Variants in PTPN12 observed in about 807,000 individuals in gnomAD.
The protein encoded by PTPN12 is tyrosine-protein phosphatase non-receptor type 12.
A neutral mutation model predicts 97.6 loss-of-function variants in PTPN12; 29 were observed. That is an observed-to-expected ratio of 0.30 (90% CI 0.22 to 0.41). The LOEUF is 0.41. Among genes scored for constraint, PTPN12 ranks in the 10% least tolerant of loss-of-function variants. PTPN12 has a pLI of 1.00. For missense variants in PTPN12, 819 were observed against 926.0 expected (o/e 0.88, Z 1.50); for synonymous variants, 327 against 300.4 (o/e 1.09, Z -0.91).
chr7:77,566,902 TCTTG>T (rs1808287719), intron 1 of PTPN12, among the ~76,000 whole-genome samples: 1 of 152,120 alleles, frequency 6.6e-6, no homozygotes, highest in Non-Finnish European at 1.5e-5. Context: ...AAAAATTCTT[TCTTG>T]CTTTAGGATT....
At chr7:77,540,077 A>T (rs2151292164) in intron 1 of PTPN12, among the ~76,000 whole-genome samples, 1 of 152,076 alleles carries the variant, frequency 6.6e-6, no homozygotes, top group East Asian at 1.9e-4. Flanking sequence ...TGTTATCCCT[A>T]GGCATATACC....
intron 16 of PTPN12, among the ~76,000 whole-genome samples, chr7:77,637,698 A>G (rs1789642465): frequency 6.6e-6 from 1 of 151,650 alleles, no homozygotes; most frequent in Admixed American, 6.6e-5. Context: ...CTCTACTAAA[A>G]ATAAAAAAAA....
intron 5 of PTPN12, 74 bp from the exon 6 acceptor site, chr7:77,592,111 G>C (rs1473754292): frequency 7.6e-7 from 1 of 1,309,614 alleles, no homozygotes. Context: ...CAGAACCTCA[G>C]GACACAAAAT....
At chr7:77,585,664 C>A in intron 5 of PTPN12, 83 bp downstream of exon 5, 1 of 1,237,530 alleles carries the variant, frequency 8.1e-7, no homozygotes, top group African/African-American at 1.5e-5. Flanking sequence ...TTAACATAAG[C>A]GGTTAATGTA....
chr7:77,631,708 A>C (rs1018562108), intron 13 of PTPN12, among the ~76,000 whole-genome samples: 19 of 152,342 alleles, frequency 1.2e-4, no homozygotes, highest in Non-Finnish European at 2.6e-4. Flanking sequence ...AGCATTCTCA[A>C]AGTACAGCCA....
chr7:77,602,167 C>T (rs965697814), intron 8 of PTPN12, among the ~76,000 whole-genome samples: 1 of 147,548 alleles, frequency 6.8e-6, no homozygotes, highest in Non-Finnish European at 1.5e-5. Context: ...TCTTGGGGGG[C>T]AGTTAATTTT....
Position 77,639,758 on chromosome 7 carries a change from T to C in PTPN12, c.*478T>C, listed in dbSNP as rs1478420145. 1 of 152,956 alleles carries C rather than the reference T, an allele frequency of 6.5e-6. No homozygotes were observed. The highest frequency in any genetic ancestry group is 1.5e-5 in the Non-Finnish European group (1 of 68,274). 9.5% of individuals were successfully genotyped at this position (152,956 alleles called of 1,614,324 possible). On this transcript the variant is annotated 3_prime_UTR_variant, in exon 18 of 18. Coordinates refer to ENST00000248594, the MANE Select transcript of PTPN12 (RefSeq NM_002835.4). ...CCCTGGAGTTTTAGAAAATAGTTTC[T>C]GAATTTTAAACTTGCTGGATTCATG... is the stretch of plus-strand genomic sequence containing the variant.
chr7:77,638,259 G>A (rs887591145), intron 16 of PTPN12, among the ~76,000 whole-genome samples: 1 of 151,974 alleles, frequency 6.6e-6, no homozygotes, highest in African/African-American at 2.4e-5. Context: ...CGCCTGGCCT[G>A]ACCTTGTTGA....
intron 13 of PTPN12, among the ~76,000 whole-genome samples, chr7:77,630,145 A>G (rs1182885422): frequency 6.6e-6 from 1 of 152,178 alleles, no homozygotes; most frequent in Non-Finnish European, 1.5e-5. Flanking sequence ...TTGCAGCATA[A>G]CTACAAGTAG....
intron 13 of PTPN12, 98 bp downstream of exon 13, chr7:77,627,773 C>T (rs187504815): frequency 8.2e-7 from 1 of 1,226,128 alleles, no homozygotes; most frequent in Non-Finnish European, 1.1e-6. Flanking sequence ...TTATTCCACA[C>T]TCTACCATAG....
chr7:77,594,693 G>A (rs1191018848), intron 6 of PTPN12, among the ~76,000 whole-genome samples: 2 of 152,048 alleles, frequency 1.3e-5, no homozygotes, highest in African/African-American at 2.4e-5. Flanking sequence ...TTGTAGAGAC[G>A]AGGTCTCCCT....
chr7:77,572,283 G>T (rs1383204245), intron 2 of PTPN12, among the ~76,000 whole-genome samples: 1 of 151,994 alleles, frequency 6.6e-6, no homozygotes, highest in East Asian at 1.9e-4. Context: ...TTGTATTTTA[G>T]TAGAGACAGG....
rs192671815 is a variant in PTPN12, at chr7:77,635,683, G to T, written c.2075-99G>T. On this transcript the variant is annotated intron_variant, in intron 14 of 17. Coordinates refer to ENST00000248594, the MANE Select transcript of PTPN12 (RefSeq NM_002835.4). The stretch of plus-strand genomic sequence containing the variant: ...CTACAAAATTTTTGTGGAAGCGATA[G>T]TTTCTAAAATCTTTAGGATCTGTTT... The T allele has an allele frequency of 1.0e-4, 69 of 672,566 alleles. 1 individual carries two copies. The highest frequency in any genetic ancestry group is 8.8e-4 in the African/African-American group (47 of 53,162). 41.7% of individuals were successfully genotyped at this position (672,566 alleles called of 1,614,324 possible).
chr7:77,589,630 A>T (rs983047490), intron 5 of PTPN12, among the ~76,000 whole-genome samples: 1 of 152,148 alleles, frequency 6.6e-6, no homozygotes, highest in Non-Finnish European at 1.5e-5. Context: ...AATTTATTCC[A>T]TTACTCCCAA....
intron 9 of PTPN12, among the ~76,000 whole-genome samples, chr7:77,609,479 G>A (rs554311406): frequency 2.1e-3 from 324 of 151,340 alleles, no homozygotes; most frequent in Non-Finnish European, 3.7e-3. Flanking sequence ...ACCGTGTTTC[G>A]GGCTGGTCTC....
At chr7:77,606,756 T>TC (rs1788386113) in intron 8 of PTPN12, among the ~76,000 whole-genome samples, 1 of 152,274 alleles carries the variant, frequency 6.6e-6, no homozygotes, top group African/African-American at 2.4e-5. Flanking sequence ...AGATAAATCA[T>TC]CCCATGGTCC....
intron 13 of PTPN12, among the ~76,000 whole-genome samples, chr7:77,629,453 A>C (rs1190802029): frequency 6.6e-6 from 1 of 152,150 alleles, no homozygotes; most frequent in South Asian, 2.1e-4. Context: ...ATAAGAAAAT[A>C]TGTAGATAAG....
intron 15 of PTPN12, 61 bp downstream of exon 15, chr7:77,635,910 T>C (rs1789573395): frequency 8.7e-7 from 1 of 1,154,898 alleles, no homozygotes; most frequent in Non-Finnish European, 1.2e-6. Context: ...TGTTAACTAA[T>C]CTTGCAGTTG....
rs770164884 is a variant in PTPN12, at chr7:77,571,164, C to T, written c.186C>T (p.Asn62=). Reference sequence around the variant, plus strand: ...AAAAAGAAGAAAATGTTAAAAAGAACAGATACAAGGACATACTGCCATGTA... The same window carrying T: ...AAAAAGAAGAAAATGTTAAAAAGAATAGATACAAGGACATACTGCCATGTA... ...TGEKEENVKK[N]RYKDILPFDH... The change falls in exon 2 of 18, where the codon AAC becomes AAT. Residue 62 remains asparagine (N), a synonymous_variant. Transcript: ENST00000248594. 370 of 1,598,388 alleles carry T rather than the reference C, an allele frequency of 2.3e-4. No individual in the cohort carries two copies. Among genetic ancestry groups the T allele is most frequent in the Non-Finnish European group, 3.0e-4 (350 of 1,170,128 alleles).
Sources: gnomAD v4.1 joint callset for allele counts (sites outside exome capture counted in the v4.1 genomes callset) on GRCh38, gnomAD v4.1.1 for gene constraint, MANE v1.5 for transcripts, NCBI Gene and HGNC (gene_info 2026-07-23, HGNC 2026-07-21) for gene names.